Variants in RPS6KA5 observed in about 807,000 individuals in gnomAD.
RPS6KA5 encodes ribosomal protein S6 kinase alpha-5.
Under a neutral mutation model 85.5 loss-of-function variants are expected in RPS6KA5, and 27 were observed. That is an observed-to-expected ratio of 0.32 (90% CI 0.23 to 0.44). RPS6KA5 has a LOEUF of 0.44. RPS6KA5 is among the 20% of genes least tolerant of loss of function. The probability of loss-of-function intolerance (pLI) is 1.00; values close to 1 mark genes in which losing one functional copy is unlikely to be tolerated. For synonymous variants in RPS6KA5, 334 were observed against 348.2 expected, an observed-to-expected ratio of 0.96 and a Z score of 0.46; for missense variants, 811 against 980.9, an observed-to-expected ratio of 0.83 and a Z score of 2.31.
At chr14:91,013,256 T>C (rs567510191) in intron 1 of RPS6KA5, among the ~76,000 whole-genome samples, 2 of 152,326 alleles carry the variant, frequency 1.3e-5, no homozygotes, top group African/African-American at 2.4e-5. Context: ...ATATCCAACA[T>C]TGTGCAAAGC....
intron 1 of RPS6KA5, among the ~76,000 whole-genome samples, chr14:91,059,731 A>G (rs1273283727): frequency 1.3e-5 from 2 of 152,234 alleles, no homozygotes; most frequent in Non-Finnish European, 2.9e-5. Flanking sequence ...GGCCAAGTAT[A>G]GTATTTCATG....
intron 1 of RPS6KA5, among the ~76,000 whole-genome samples, chr14:91,033,383 T>C (rs1003143072): frequency 1.3e-5 from 2 of 152,090 alleles, no homozygotes; most frequent in Non-Finnish European, 2.9e-5. Flanking sequence ...GGCAGATCAC[T>C]TGAGGTCAGG....
At chr14:91,018,911 C>A (rs186193879) in intron 1 of RPS6KA5, among the ~76,000 whole-genome samples, 4 of 151,982 alleles carry the variant, frequency 2.6e-5, no homozygotes, top group African/African-American at 9.7e-5. Flanking sequence ...TATAACACAT[C>A]TACCCTCTCT....
At chr14:91,044,334 ATAGAC>A (rs2042734185) in intron 1 of RPS6KA5, among the ~76,000 whole-genome samples, 1 of 85,292 alleles carries the variant, frequency 1.2e-5, no homozygotes, top group Non-Finnish European at 2.4e-5. Flanking sequence ...AGAGAGAAAG[ATAGAC>A]AAAGAAAGAA....
At chr14:90,928,207 C>T (rs547817150) in intron 5 of RPS6KA5, among the ~76,000 whole-genome samples, 13 of 151,904 alleles carry the variant, frequency 8.6e-5, no homozygotes, top group African/African-American at 2.9e-4. Context: ...TATGAGCCAC[C>T]ACTCAAAGAA....
At position 90,943,127 on chromosome 14, in the gene RPS6KA5, T is replaced by C. The variant is rs34699345; in HGVS notation, c.569A>G (p.His190Arg). ...LENILLDSNG[H>R]VVLTDFGLSK... ...CAGACCAAAATCTGTCAGCACCACA[T>C]GGCCATTAGAATCAAGTAGAATATT... The change falls in exon 5 of 17, where the codon CAT (histidine) becomes CGT (arginine). Residue 190 changes from histidine (H) to arginine (R), a missense_variant. His to Arg is a conservative substitution (Grantham distance 29, BLOSUM62 0). Around this residue, in one of 3 missense-constraint regions of RPS6KA5, gnomAD observed 650 missense variants for 793.4 expected, o/e 0.82. Coordinates refer to ENST00000614987, the MANE Select transcript of RPS6KA5 (RefSeq NM_004755.4). 3.1e-6 allele frequency: 5 copies of C among 1,612,868 alleles called. No homozygotes were observed. Among genetic ancestry groups the C allele is most frequent in the Non-Finnish European group, 4.2e-6 (5 of 1,179,146 alleles).
intron 7 of RPS6KA5, among the ~76,000 whole-genome samples, chr14:90,908,679 A>C (rs1457741354): frequency 1.3e-5 from 2 of 152,190 alleles, no homozygotes; most frequent in Non-Finnish European, 2.9e-5. Flanking sequence ...TCTCCATAAG[A>C]AAGTGATCCC....
chr14:91,033,048 G>T (rs1031278113), intron 1 of RPS6KA5, among the ~76,000 whole-genome samples: 3 of 151,902 alleles, frequency 2.0e-5, no homozygotes, highest in African/African-American at 7.3e-5. Flanking sequence ...TTAGCTGGAC[G>T]TGGTGGTGGG....
intron 12 of RPS6KA5, among the ~76,000 whole-genome samples, chr14:90,898,229 A>AT (rs2034951109): frequency 6.6e-6 from 1 of 152,156 alleles, no homozygotes; most frequent in South Asian, 2.1e-4. Flanking sequence ...ATGAGTGTCC[A>AT]TTTTCTCACC....
chr14:90,864,708 T>C lies in RPS6KA5; in HGVS notation c.*7366A>G, dbSNP rs373119594. ...AGAAAAAAAGACAACCCAATAAATA[T>C]GAACAAATGACTTGAACAGGCACTT... On this transcript the variant is annotated 3_prime_UTR_variant, in exon 17 of 17. Transcript: ENST00000614987. 1.5e-4 allele frequency: 23 copies of C among 152,156 alleles called. No individual in the cohort carries two copies. Among genetic ancestry groups the C allele is most frequent in the African/African-American group, 5.5e-4 (23 of 41,510 alleles). The allele number at this position is 152,156 out of a possible 1,614,324, so 9.4% of individuals were successfully genotyped here.
Position 90,894,636 on chromosome 14 carries a change from T to C in RPS6KA5, c.1474-53A>G, listed in dbSNP as rs1475477638. ...GGCCTTCCTGAAGCACAGAAGTCTA[T>C]TAACATATAAAACATTTATTGACTA... On this transcript the variant is annotated intron_variant, in intron 12 of 16. Transcript: ENST00000614987. 5.7e-6 allele frequency: 9 copies of C among 1,573,724 alleles called. 1 individual carries two copies. The highest frequency in any genetic ancestry group is 7.8e-6 in the Non-Finnish European group (9 of 1,158,174).
chr14:91,042,170 T>A (rs1009182700), intron 1 of RPS6KA5, among the ~76,000 whole-genome samples: 1 of 152,186 alleles, frequency 6.6e-6, no homozygotes, highest in African/African-American at 2.4e-5. Context: ...AACTTTCATC[T>A]TATAGCATAT....
rs75876298 is a variant in RPS6KA5, at chr14:90,879,035, C to T, written c.1837-3675G>A. Among the ~76,000 whole-genome samples, 1,024 of 152,290 alleles carry T rather than the reference C, an allele frequency of 6.7e-3. 9 individuals carry two copies. The highest frequency in any genetic ancestry group is 0.012 in the Non-Finnish European group (837 of 68,020). ...TGAAGTATTCTGGTGCAAGGTGGGG[C>T]CTTCTGTGGCAGGTAACTATTTTCC... On this transcript the variant is annotated intron_variant, in intron 14 of 16. Transcript: ENST00000614987.
chr14:91,026,086 AG>A (rs2041980767), intron 1 of RPS6KA5, among the ~76,000 whole-genome samples: 1 of 152,164 alleles, frequency 6.6e-6, no homozygotes, highest in African/African-American at 2.4e-5. Context: ...AACTTCATAT[AG>A]GTTTAGATGT....
chr14:91,046,527 A>G (rs933016273), intron 1 of RPS6KA5, among the ~76,000 whole-genome samples: 2 of 152,218 alleles, frequency 1.3e-5, no homozygotes, highest in African/African-American at 4.8e-5. Flanking sequence ...TTAGATAGAA[A>G]GTGTGACACT....
At chr14:91,005,215 C>T (rs1210814011) in intron 1 of RPS6KA5, among the ~76,000 whole-genome samples, 1 of 152,186 alleles carries the variant, frequency 6.6e-6, no homozygotes, top group Non-Finnish European at 1.5e-5. Flanking sequence ...TGAGTTTCAT[C>T]CAGGTTTCTG....
At chr14:90,980,399 A>G (rs925531726) in intron 2 of RPS6KA5, among the ~76,000 whole-genome samples, 3 of 152,224 alleles carry the variant, frequency 2.0e-5, no homozygotes, top group African/African-American at 4.8e-5. Flanking sequence ...TCTCAAAACC[A>G]GGAATTCTTT....
chr14:91,012,466 T>C (rs2139750856), intron 1 of RPS6KA5, among the ~76,000 whole-genome samples: 1 of 152,366 alleles, frequency 6.6e-6, no homozygotes, highest in East Asian at 1.9e-4. Flanking sequence ...ATATGTTCAA[T>C]TCCAGTCTTT....
At chr14:90,951,295 A>G (rs2038171329) in intron 3 of RPS6KA5, among the ~76,000 whole-genome samples, 1 of 151,996 alleles carries the variant, frequency 6.6e-6, no homozygotes, top group South Asian at 2.1e-4. Context: ...CATCCTGGCT[A>G]ACATGGTGAA....
Sources: gnomAD v4.1 joint callset for allele counts (sites outside exome capture counted in the v4.1 genomes callset) on GRCh38, gnomAD v4.1.1 for gene constraint, gnomAD v4.1.1 regional missense constraint, MANE v1.5 for transcripts, NCBI Gene and HGNC (gene_info 2026-07-23, HGNC 2026-07-21) for gene names.